The following MIGA1 variants were observed in gnomAD, a reference collection of about 807,000 sequenced individuals.
MIGA1 encodes family with sequence similarity 73, member A.
A neutral mutation model predicts 82.0 loss-of-function variants in MIGA1; 58 were observed. That is an observed-to-expected ratio of 0.71 (90% CI 0.57 to 0.88). The LOEUF is 0.88. Ranked by LOEUF, MIGA1 falls within the 40% of genes least tolerant of loss-of-function variation. The probability of loss-of-function intolerance (pLI) is 0.00; values close to 1 mark genes in which losing one functional copy is unlikely to be tolerated. For missense variants in MIGA1, 751 were observed against 749.1 expected (o/e 1.00, Z -0.03); for synonymous variants, 249 against 253.6 (o/e 0.98, Z 0.17).
chr1:77,785,408 A>G (rs1203250741), intron 2 of MIGA1, among the ~76,000 whole-genome samples: 3 of 151,948 alleles, frequency 2.0e-5, no homozygotes, highest in East Asian at 1.9e-4. Context: ...CAATGGTACA[A>G]TCTTGGCTCA....
rs767558922 is a variant in MIGA1 at position 77,843,277 on chromosome 1, T to C, written c.896-30T>C. 14 of 1,485,458 alleles carry C rather than the reference T, an allele frequency of 9.4e-6. No homozygotes were observed. The African/African-American group carries it at 1.8e-4, about 19-fold the overall frequency. 92.0% of individuals were successfully genotyped at this position (1,485,458 alleles called of 1,614,324 possible). ...ATACCACAATGATGTGGAATATCAC[T>C]TTCTGAACTTTTCACCTTTTACTTT... On this transcript the variant is annotated intron_variant, in intron 7 of 15. Coordinates refer to ENST00000370791, the MANE Select transcript of MIGA1 (RefSeq NM_198549.4).
In MIGA1 at chr1:77,807,003, G is replaced by T. The variant is rs1241092806; in HGVS notation, c.539G>T (p.Cys180Phe). 5 of 1,612,262 alleles carry T rather than the reference G, an allele frequency of 3.1e-6. No homozygotes were observed. Among genetic ancestry groups the T allele is most frequent in the Non-Finnish European group, 4.2e-6 (5 of 1,178,676 alleles). Residue 180 changes from cysteine to phenylalanine, a missense_variant, in exon 5 of 16, where the codon TGC becomes TTC. Physicochemically the swap from Cys to Phe is radical, Grantham distance 205. This residue lies in a region of MIGA1 where 482 missense variants were observed against 439.4 expected (regional missense o/e 1.10). Coordinates refer to ENST00000370791, the MANE Select transcript of MIGA1 (RefSeq NM_198549.4). ...CAGAGTGTCAATTCTTGTCATAGCT[G>T]CGCTTGTGGCAATTCTAATTCCTGG...
At chr1:77,851,297 T>G (rs943566448) in intron 8 of MIGA1, among the ~76,000 whole-genome samples, 1 of 152,000 alleles carries the variant, frequency 6.6e-6, no homozygotes, top group African/African-American at 2.4e-5. Flanking sequence ...TTAAAATGAG[T>G]TTTTTTTAAA....
At chr1:77,790,517 C>T (rs571877678) in intron 2 of MIGA1, among the ~76,000 whole-genome samples, 7 of 152,008 alleles carry the variant, frequency 4.6e-5, no homozygotes, top group African/African-American at 9.7e-5. Context: ...CTGCCCGCCT[C>T]GGCCTCCCAA....
In MIGA1 at chr1:77,872,904, C is replaced by T. The variant is rs368321614; in HGVS notation, c.1564-100C>T. On this transcript the variant is annotated intron_variant, in intron 14 of 15. Coordinates refer to ENST00000370791, the MANE Select transcript of MIGA1 (RefSeq NM_198549.4). ...TCTAAAAAACAAATTTTCTTAAACT[C>T]CCACTGGTCATATAATGAATAGCAA... 863 of 1,481,016 alleles carry T rather than the reference C, an allele frequency of 5.8e-4. 14 individuals are homozygous for T. In the East Asian group the frequency reaches 0.019, roughly 32 times the overall value. The allele number at this position is 1,481,016 out of a possible 1,614,324, so 91.7% of individuals were successfully genotyped here. A position where few individuals can be genotyped will look rare whatever the true frequency, so the allele number is the denominator to read the frequency against.
intron 7 of MIGA1, among the ~76,000 whole-genome samples, chr1:77,834,518 CT>C (rs2101866336): frequency 6.6e-6 from 1 of 152,228 alleles, no homozygotes; most frequent in African/African-American, 2.4e-5. Context: ...TATTGTTTCT[CT>C]TTTCAATATT....
At chr1:77,870,217 G>T (rs1467684627) in intron 14 of MIGA1, among the ~76,000 whole-genome samples, 1 of 116,716 alleles carries the variant, frequency 8.6e-6, no homozygotes, top group Non-Finnish European at 1.9e-5. Flanking sequence ...CGGGCGGGGG[G>T]CTGACCCCCC....
intron 7 of MIGA1, among the ~76,000 whole-genome samples, chr1:77,830,078 A>G (rs941814325): frequency 2.6e-5 from 4 of 152,126 alleles, no homozygotes; most frequent in Non-Finnish European, 5.9e-5. Flanking sequence ...ACTTGTCATG[A>G]CTATTCTTAG....
intron 7 of MIGA1, among the ~76,000 whole-genome samples, chr1:77,839,617 C>T (rs1298190910): frequency 6.6e-6 from 1 of 152,162 alleles, no homozygotes; most frequent in Admixed American, 6.6e-5. Context: ...AAGTGATCCT[C>T]CCGCCTCAGC....
intron 2 of MIGA1, among the ~76,000 whole-genome samples, chr1:77,790,263 C>A (rs1682358228): frequency 6.6e-6 from 1 of 152,168 alleles, no homozygotes; most frequent in Non-Finnish European, 1.5e-5. Flanking sequence ...CTCTTGCATC[C>A]TCTTTATAAT....
intron 8 of MIGA1, among the ~76,000 whole-genome samples, 184 bp downstream of exon 8, chr1:77,843,591 T>C (rs1684707819): frequency 1.3e-5 from 2 of 152,186 alleles, no homozygotes; most frequent in Non-Finnish European, 2.9e-5. Flanking sequence ...TTACACTCTC[T>C]TTAAGGAGAT....
chr1:77,815,220 CTGA>C lies in MIGA1; in HGVS notation c.889_891del (p.Asp297del). The C allele has an allele frequency of 6.2e-7, 1 of 1,600,082 alleles. No homozygotes were observed. Among genetic ancestry groups the C allele is most frequent in the Non-Finnish European group, 8.5e-7 (1 of 1,172,988 alleles). On this transcript the variant is annotated inframe_deletion, in exon 7 of 16. Transcript: ENST00000370791. ...GGGGCATCTGATCCTAATTCCCTTG[CTGA>C]TGATATTGGTAAGATGGATATTTCA...
chr1:77,825,695 T>C (rs1280845820), intron 7 of MIGA1, among the ~76,000 whole-genome samples: 1 of 152,130 alleles, frequency 6.6e-6, no homozygotes, highest in Non-Finnish European at 1.5e-5. Flanking sequence ...GGAAGTGTTA[T>C]GTTTATGTTT....
At chr1:77,783,087 TTAATAAATA>T (rs1465625021) in intron 1 of MIGA1, 142 bp from the exon 2 acceptor site, 1 of 481,822 alleles carries the variant, frequency 2.1e-6, no homozygotes, top group African/African-American at 2.0e-5. Flanking sequence ...CGTTTGGTGA[TTAATAAATA>T]TAATTTTAGC....
intron 1 of MIGA1, chr1:77,782,861 T>G: frequency 1.0e-6 from 1 of 984,786 alleles, no homozygotes; most frequent in Non-Finnish European, 1.2e-6. Flanking sequence ...CGCAGTTATA[T>G]GAAGGAAACC....
intron 7 of MIGA1, among the ~76,000 whole-genome samples, chr1:77,828,930 G>A (rs1287632321): frequency 6.6e-6 from 1 of 152,128 alleles, no homozygotes; most frequent in Non-Finnish European, 1.5e-5. Flanking sequence ...TCCTGCCTCA[G>A]CCTCCCAAAG....
chr1:77,792,941 A>C (rs1682491677), intron 2 of MIGA1, among the ~76,000 whole-genome samples: 1 of 151,974 alleles, frequency 6.6e-6, no homozygotes, highest in South Asian at 2.1e-4. Context: ...GGCATGCAGC[A>C]CTATGCCCGG....
intron 3 of MIGA1, among the ~76,000 whole-genome samples, chr1:77,802,965 CAT>C (rs1046764142): frequency 2.0e-5 from 3 of 152,100 alleles, no homozygotes; most frequent in Admixed American, 6.6e-5. Context: ...GTAAATTTAA[CAT>C]AGTCACCAGT....
intron 8 of MIGA1, among the ~76,000 whole-genome samples, chr1:77,844,113 A>AAAATATATATATAT (rs1296124524): frequency 4.1e-4 from 37 of 90,114 alleles, no homozygotes; most frequent in African/African-American, 1.6e-3. Flanking sequence ...AAAAAAAAAA[A>AAAATATATATATAT]ATATATATAT....
Sources: allele counts gnomAD v4.1 joint callset (sites outside exome capture counted in the v4.1 genomes callset), GRCh38; gene constraint gnomAD v4.1.1; regional missense constraint gnomAD v4.1.1; transcripts MANE v1.5; gene names NCBI Gene and HGNC (gene_info 2026-07-23, HGNC 2026-07-21).